Variants in PKHD1 observed in about 807,000 individuals in gnomAD.
PKHD1 encodes the protein fibrocystin.
In PKHD1, 291 loss-of-function variants were observed where a neutral mutation model predicts 412.0. The ratio of observed to expected loss-of-function variants is 0.71; its 90% CI spans 0.64 to 0.78. The LOEUF (loss-of-function observed/expected upper bound fraction) is 0.78. Ranked by LOEUF, PKHD1 falls within the 30% of genes least tolerant of loss-of-function variation. The pLI is 0.00. For synonymous variants in PKHD1, 1,777 were observed against 1,821.5 expected, an observed-to-expected ratio of 0.98 and a Z score of 0.62; for missense variants, 4,825 against 4,950.7, an observed-to-expected ratio of 0.97 and a Z score of 0.76.
At chr6:51,854,773 T>C (rs1772970834) in intron 49 of PKHD1, among the ~76,000 whole-genome samples, 2 of 152,214 alleles carry the variant, frequency 1.3e-5, no homozygotes, top group South Asian at 2.1e-4. Context: ...CCATCCAGCC[T>C]CCCTGGCTCC....
rs1221094164 is a variant in PKHD1, at chr6:52,048,920, T to C, written c.2280-301A>G. 2.6e-5 allele frequency among the ~76,000 whole-genome samples: 4 copies of C among 152,350 alleles called. No individual in the cohort carries two copies. The South Asian group carries it at 8.3e-4, about 32-fold the overall frequency. ...TCTTCATTTTCAATGGATGGTTTTATTGCTTTTCCTGCCCAGAGGACCATG... is the reference window on the plus strand; with the variant it reads ...TCTTCATTTTCAATGGATGGTTTTACTGCTTTTCCTGCCCAGAGGACCATG... On this transcript the variant is annotated intron_variant, in intron 22 of 66. Transcript: ENST00000371117.
chr6:51,767,887 G>A (rs896946053), intron 55 of PKHD1, among the ~76,000 whole-genome samples: 19 of 152,086 alleles, frequency 1.2e-4, no homozygotes, highest in East Asian at 9.6e-4. Flanking sequence ...CCAAGGAATC[G>A]CCACACTGAC....
chr6:51,706,002 G>C (rs1397259019), intron 60 of PKHD1, among the ~76,000 whole-genome samples: 1 of 152,070 alleles, frequency 6.6e-6, no homozygotes, highest in East Asian at 1.9e-4. Flanking sequence ...AAGTCTATTC[G>C]GTGATACAGA....
intron 43 of PKHD1, among the ~76,000 whole-genome samples, chr6:51,900,031 T>A (rs1017781465): frequency 6.6e-6 from 1 of 152,124 alleles, no homozygotes; most frequent in African/African-American, 2.4e-5. Context: ...TACAAACAAA[T>A]GGAAGAACAT....
intron 60 of PKHD1, among the ~76,000 whole-genome samples, chr6:51,692,825 A>C (rs893846052): frequency 6.6e-6 from 1 of 152,120 alleles, no homozygotes; most frequent in Admixed American, 6.6e-5. Context: ...CAATCCACTG[A>C]CATCTAGATT....
rs1363285265 is a variant in PKHD1 at position 52,059,920 on chromosome 6, G to C, written c.1233+8C>G. ...CAGAGAAAAGGAAAATGAGAAGACAGTGAATACCTTAGTCCTTGGTTCCTC... is the reference window on the plus strand; with the variant it reads ...CAGAGAAAAGGAAAATGAGAAGACACTGAATACCTTAGTCCTTGGTTCCTC... On this transcript the variant is annotated splice_region_variant and intron_variant, in intron 15 of 66. Transcript: ENST00000371117. 2.3e-6 allele frequency: 3 copies of C among 1,297,324 alleles called. No individual in the cohort carries two copies. The highest frequency in any genetic ancestry group is 3.4e-6 in the Non-Finnish European group (3 of 890,300). 80.4% of individuals were successfully genotyped at this position (1,297,324 alleles called of 1,614,324 possible).
At chr6:51,781,494 C>A (rs541575525) in intron 53 of PKHD1, among the ~76,000 whole-genome samples, 67 of 152,126 alleles carry the variant, frequency 4.4e-4, no homozygotes, top group African/African-American at 1.4e-3. Flanking sequence ...TCACTACTTG[C>A]AAAATGTACA....
intron 36 of PKHD1, among the ~76,000 whole-genome samples, chr6:51,940,424 C>T (rs954037645): frequency 1.3e-4 from 20 of 151,786 alleles, no homozygotes; most frequent in Middle Eastern, 6.8e-3. Flanking sequence ...TCAGGGGTTC[C>T]TCCAGAACCT....
chr6:51,825,895 C>G (rs1767217388), intron 52 of PKHD1, among the ~76,000 whole-genome samples: 1 of 151,958 alleles, frequency 6.6e-6, no homozygotes, highest in African/African-American at 2.4e-5. Flanking sequence ...CTTTTATGTC[C>G]CATCCAAAAG....
chr6:51,791,634 A>G (rs1172641419), intron 52 of PKHD1, among the ~76,000 whole-genome samples: 2 of 152,154 alleles, frequency 1.3e-5, no homozygotes, highest in Non-Finnish European at 2.9e-5. Flanking sequence ...CAGCTGCCCC[A>G]AGTCTAGTGC....
intron 36 of PKHD1, among the ~76,000 whole-genome samples, chr6:51,944,989 G>A (rs978535076): frequency 6.6e-6 from 1 of 152,186 alleles, no homozygotes; most frequent in Non-Finnish European, 1.5e-5. Flanking sequence ...TGCCAGAGCA[G>A]TACCACACTG....
Position 52,065,975 on chromosome 6 carries a change from C to A in PKHD1, c.880+1G>T. ...ATTTTCAGCCATTTCATCATAGTTA[C>A]CTGCAATGGTAACCTGGGCAGAATT... is the stretch of plus-strand genomic sequence containing the variant. On this transcript the variant is annotated splice_donor_variant, in intron 12 of 66. Transcript: ENST00000371117. LOFTEE classifies it high-confidence loss of function. 1 of 1,423,036 alleles carries A rather than the reference C, an allele frequency of 7.0e-7. No homozygotes were observed. The allele number at this position is 1,423,036 out of a possible 1,614,324, so 88.2% of individuals were successfully genotyped here.
At chr6:51,776,270 T>G (rs1042162918) in intron 53 of PKHD1, among the ~76,000 whole-genome samples, 64 of 151,982 alleles carry the variant, frequency 4.2e-4, no homozygotes, top group African/African-American at 1.5e-3. Context: ...TTTAAGGGAC[T>G]TGGCAAGTTG....
intron 60 of PKHD1, among the ~76,000 whole-genome samples, chr6:51,726,587 G>C (rs2150862230): frequency 6.6e-6 from 1 of 152,202 alleles, no homozygotes. Context: ...TCCTGGGCCA[G>C]CCCCATATGA....
rs1460218302 is a variant in PKHD1 at position 52,028,222 on chromosome 6, G to A, written c.3494C>T (p.Pro1165Leu). The A allele has an allele frequency of 6.2e-7, 1 of 1,614,054 alleles. No individual in the cohort carries two copies. Among genetic ancestry groups the A allele is most frequent in the African/African-American group, 1.3e-5 (1 of 74,926 alleles). Reference protein sequence around the residue: ...QSAWGLEVALPPLPAGLHRIS... With the variant: ...QSAWGLEVALLPLPAGLHRIS... ...TCTGTGGAGACCAGCTGGCAGTGGG[G>A]GCAGTGCCACCTCCAGGCCCCAAGC... Residue 1165 changes from proline to leucine, a missense_variant, in exon 30 of 67, where the codon CCC becomes CTC. Physicochemically the swap from Pro to Leu is moderately conservative, Grantham distance 98. Coordinates refer to ENST00000371117, the MANE Select transcript of PKHD1 (RefSeq NM_138694.4).
intron 60 of PKHD1, among the ~76,000 whole-genome samples, chr6:51,706,363 CCTGT>C (rs1170572745): frequency 1.3e-5 from 2 of 152,046 alleles, no homozygotes; most frequent in East Asian, 1.9e-4. Flanking sequence ...ATGCTTCCAA[CCTGT>C]CTAAGAGATA....
chr6:52,074,704 G>T (rs1349630719), intron 6 of PKHD1, among the ~76,000 whole-genome samples: 2 of 152,186 alleles, frequency 1.3e-5, no homozygotes, highest in Admixed American at 6.5e-5. Flanking sequence ...TGCTAACCAC[G>T]TATAGAAACC....
intron 46 of PKHD1, among the ~76,000 whole-genome samples, chr6:51,870,870 C>T (rs1318707071): frequency 6.6e-6 from 1 of 151,206 alleles, no homozygotes; most frequent in Admixed American, 6.6e-5. Flanking sequence ...GAAAAAAAAA[C>T]CTTCAAAAGA....
chr6:51,915,978 C>G (rs910560066), intron 37 of PKHD1, among the ~76,000 whole-genome samples: 2 of 152,044 alleles, frequency 1.3e-5, no homozygotes. Context: ...ACAGGCTGAG[C>G]AGGCTCAGGG....
Sources: gnomAD v4.1 joint callset for allele counts (sites outside exome capture counted in the v4.1 genomes callset) on GRCh38, gnomAD v4.1.1 for gene constraint, MANE v1.5 for transcripts, NCBI Gene and HGNC (gene_info 2026-07-23, HGNC 2026-07-21) for gene names.